NHEJ1: variants seen among roughly 807,000 people sequenced by gnomAD.
The protein encoded by NHEJ1 is non-homologous end joining factor 1.
In NHEJ1, 22 loss-of-function variants were observed where a neutral mutation model predicts 39.4. That is an observed-to-expected ratio of 0.56 (90% confidence interval 0.40 to 0.80). The LOEUF is 0.80. Ranked by LOEUF, NHEJ1 falls within the 30% of genes least tolerant of loss-of-function variation. The pLI, the probability that NHEJ1 is intolerant of heterozygous loss-of-function variation, is 0.00. For synonymous variants in NHEJ1, 154 were observed against 135.6 expected (o/e 1.14, Z -0.94); for missense variants, 329 against 357.1 (o/e 0.92, Z 0.63).
intron 5 of NHEJ1, among the ~76,000 whole-genome samples, chr2:219,139,947 G>A (rs537636013): frequency 3.9e-5 from 6 of 152,374 alleles, no homozygotes; most frequent in Admixed American, 3.9e-4. Flanking sequence ...CCAAAGTGCT[G>A]CGATTACAGG....
chr2:219,085,268 C>A (rs1949101361), intron 5 of NHEJ1, among the ~76,000 whole-genome samples: 2 of 152,146 alleles, frequency 1.3e-5, no homozygotes, highest in African/African-American at 4.8e-5. Flanking sequence ...TCTCCTTTCT[C>A]CTCATTTCAA....
At chr2:219,099,343 T>C (rs976215157) in intron 5 of NHEJ1, among the ~76,000 whole-genome samples, 1 of 152,152 alleles carries the variant, frequency 6.6e-6, no homozygotes, top group Non-Finnish European at 1.5e-5. Context: ...TCTCAAGTTA[T>C]GAGACCCAAA....
rs545273157 is a variant in NHEJ1, at chr2:219,076,035, C to G, written c.*346G>C. ...GTGGGTCTCTGAGGAGTATCTGGGG[C>G]TGGCTGGCTAGAGACGCTAGGGAAA... On this transcript the variant is annotated 3_prime_UTR_variant, in exon 8 of 8. Transcript: ENST00000356853. 2 of 465,336 alleles carry G rather than the reference C, an allele frequency of 4.3e-6. No homozygotes were observed. Among genetic ancestry groups the G allele is most frequent in the Admixed American group, 3.6e-5 (1 of 27,486 alleles). The allele number at this position is 465,336 out of a possible 1,614,324, so 28.8% of individuals were successfully genotyped here.
chr2:219,091,381 A>G lies in NHEJ1; in HGVS notation c.589-13175T>C, dbSNP rs1349901139. On this transcript the variant is annotated intron_variant, in intron 5 of 7. Transcript: ENST00000356853. Reference sequence around the variant, plus strand: ...GTTCTTTCCTTATAAAGCTATTTCTATCAGCATTCTAAGGGCAAGCATGGT... The same window carrying G: ...GTTCTTTCCTTATAAAGCTATTTCTGTCAGCATTCTAAGGGCAAGCATGGT... 2.0e-5 allele frequency among the ~76,000 whole-genome samples: 3 copies of G among 152,098 alleles called. No individual in the cohort carries two copies. The East Asian group carries it at 5.8e-4, about 29-fold the overall frequency.
At chr2:219,159,761 A>G (rs1384882665) in intron 1 of NHEJ1, among the ~76,000 whole-genome samples, 1 of 146,502 alleles carries the variant, frequency 6.8e-6, no homozygotes, top group African/African-American at 2.5e-5. Context: ...GAGCTCCACA[A>G]TGCCAAAGGT....
chr2:219,080,832 T>C (rs1949060217), intron 5 of NHEJ1, among the ~76,000 whole-genome samples: 1 of 152,000 alleles, frequency 6.6e-6, no homozygotes, highest in Non-Finnish European at 1.5e-5. Context: ...CTCAGTACTA[T>C]GTGTGAATGA....
At chr2:219,085,608 T>A (rs757980079) in intron 5 of NHEJ1, among the ~76,000 whole-genome samples, 2 of 152,156 alleles carry the variant, frequency 1.3e-5, no homozygotes, top group African/African-American at 4.8e-5. Context: ...AGCCTCCAGC[T>A]CCTGAGCATC....
chr2:219,113,716 T>C (rs1223059853), intron 5 of NHEJ1, among the ~76,000 whole-genome samples: 1 of 152,204 alleles, frequency 6.6e-6, no homozygotes, highest in African/African-American at 2.4e-5. Context: ...TGGAGTTAGC[T>C]GGCCTTACCT....
In NHEJ1 at chr2:219,158,168, ACTT is replaced by A. The variant is rs769880397; in HGVS notation, c.177+15_177+17del. ...ATGTTCACATCCCCGACACAGCAGT[ACTT>A]CTCCTCATACTTACCTTGGCTCGCT... On this transcript the variant is annotated intron_variant, in intron 2 of 7. Coordinates refer to ENST00000356853, the MANE Select transcript of NHEJ1 (RefSeq NM_024782.3). 6.3e-7 allele frequency: 1 copy of A among 1,579,782 alleles called. No individual in the cohort carries two copies. The highest frequency in any genetic ancestry group is 1.1e-5 in the South Asian group (1 of 90,372).
At chr2:219,105,936 T>G (rs1949309295) in intron 5 of NHEJ1, among the ~76,000 whole-genome samples, 1 of 152,250 alleles carries the variant, frequency 6.6e-6, no homozygotes, top group Non-Finnish European at 1.5e-5. Flanking sequence ...AGGCAAGGTT[T>G]CAGTTTCAGT....
In NHEJ1 at chr2:219,074,784, TA is replaced by T. The variant is rs1440784759; in HGVS notation, c.*1596del. 6.6e-6 allele frequency among the ~76,000 whole-genome samples: 1 copy of T among 151,232 alleles called. No individual in the cohort carries two copies. The highest frequency in any genetic ancestry group is 1.5e-5 in the Non-Finnish European group (1 of 67,892). The stretch of plus-strand genomic sequence containing the variant: ...CAAAAGAGCAAAGTAAGCCAGCTGA[TA>T]GGCTGTTTTTATATAGTTCCCAATT... On this transcript the variant is annotated 3_prime_UTR_variant, in exon 8 of 8. Transcript: ENST00000356853.
At chr2:219,140,474 G>A (rs1276099481) in intron 5 of NHEJ1, among the ~76,000 whole-genome samples, 1 of 152,182 alleles carries the variant, frequency 6.6e-6, no homozygotes, top group Non-Finnish European at 1.5e-5. Context: ...AGATGATGGT[G>A]GCTCCAGTAT....
chr2:219,121,598 C>T (rs767912515), intron 5 of NHEJ1, among the ~76,000 whole-genome samples: 15 of 152,086 alleles, frequency 9.9e-5, no homozygotes, highest in Admixed American at 2.0e-4. Context: ...CCTGGCACTT[C>T]GGAAGGCTGA....
intron 5 of NHEJ1, among the ~76,000 whole-genome samples, chr2:219,085,877 G>A (rs1048742536): frequency 2.0e-5 from 3 of 152,150 alleles, no homozygotes; most frequent in African/African-American, 7.2e-5. Context: ...CTCTCACGAT[G>A]CTGGACATGC....
chr2:219,088,336 T>C (rs1949130339), intron 5 of NHEJ1, among the ~76,000 whole-genome samples: 1 of 152,106 alleles, frequency 6.6e-6, no homozygotes, highest in South Asian at 2.1e-4. Flanking sequence ...ATGAATTTCA[T>C]TAATATTTCG....
chr2:219,121,260 T>C (rs776132453), intron 5 of NHEJ1, among the ~76,000 whole-genome samples: 4 of 151,840 alleles, frequency 2.6e-5, no homozygotes, highest in African/African-American at 7.3e-5. Flanking sequence ...CCTAGTAACA[T>C]AATCTAGTCA....
At chr2:219,093,355 T>C (rs1266880178) in intron 5 of NHEJ1, among the ~76,000 whole-genome samples, 2 of 152,198 alleles carry the variant, frequency 1.3e-5, no homozygotes, top group Non-Finnish European at 1.5e-5. Flanking sequence ...TATCTGAAAC[T>C]GTGCATCTTT....
intron 5 of NHEJ1, among the ~76,000 whole-genome samples, chr2:219,105,142 AT>A (rs1307322335): frequency 6.6e-6 from 1 of 152,174 alleles, no homozygotes; most frequent in African/African-American, 2.4e-5. Context: ...TAGATTACTA[AT>A]TTTCAAATAA....
chr2:219,104,561 A>C (rs1019377080), intron 5 of NHEJ1, among the ~76,000 whole-genome samples: 16 of 152,236 alleles, frequency 1.1e-4, no homozygotes, highest in African/African-American at 3.6e-4. Flanking sequence ...TTAAGTCTCA[A>C]GAATAAGATG....
Sources: allele counts gnomAD v4.1 joint callset (sites outside exome capture counted in the v4.1 genomes callset), GRCh38; gene constraint gnomAD v4.1.1; transcripts MANE v1.5; gene names NCBI Gene and HGNC (gene_info 2026-07-23, HGNC 2026-07-21).